Variants in HHLA2 observed in about 807,000 individuals in gnomAD.
The protein encoded by HHLA2 is HHLA2 member of B7 family.
In HHLA2, 48 loss-of-function variants were observed where a neutral mutation model predicts 45.9. The observed-to-expected ratio is 1.05, with a 90% CI of 0.83 to 1.33. The LOEUF (loss-of-function observed/expected upper bound fraction) is 1.33, where lower values mean the gene tolerates loss of function less well. HHLA2 is among the 40% of genes most tolerant of loss of function. HHLA2 has a pLI of 0.00. For synonymous variants in HHLA2, 161 were observed against 173.9 expected, an observed-to-expected ratio of 0.93 and a Z score of 0.59; for missense variants, 462 against 494.3, an observed-to-expected ratio of 0.93 and a Z score of 0.62.
intron 2 of HHLA2, among the ~76,000 whole-genome samples, chr3:108,322,400 T>C (rs944434582): frequency 6.6e-6 from 1 of 152,170 alleles, no homozygotes; most frequent in Non-Finnish European, 1.5e-5. Context: ...TAAAGTGGAG[T>C]GCAGGAGAGA....
intron 3 of HHLA2, among the ~76,000 whole-genome samples, chr3:108,335,142 C>T (rs1446469407): frequency 2.0e-5 from 3 of 152,122 alleles, no homozygotes; most frequent in Non-Finnish European, 4.4e-5. Flanking sequence ...AGTCAGTATA[C>T]AGTGCATGAA....
chr3:108,308,120 A>AT (rs2080961205), intron 1 of HHLA2, among the ~76,000 whole-genome samples: 1 of 152,038 alleles, frequency 6.6e-6, no homozygotes, highest in Non-Finnish European at 1.5e-5. Context: ...CTTTCTAACT[A>AT]TTTTTTGTAC....
At chr3:108,327,632 T>A (rs1357266377) in intron 2 of HHLA2, among the ~76,000 whole-genome samples, 1 of 152,074 alleles carries the variant, frequency 6.6e-6, no homozygotes, top group Non-Finnish European at 1.5e-5. Context: ...TCTTGTAGTT[T>A]CTGTTTGGTT....
intron 2 of HHLA2, among the ~76,000 whole-genome samples, chr3:108,323,285 T>TTTAATTAACTTTAA (rs2081235815): frequency 6.6e-6 from 1 of 152,158 alleles, no homozygotes; most frequent in South Asian, 2.1e-4. Context: ...TTGGATTGTT[T>TTTAATTAACTTTAA]TTAACTCAAA....
chr3:108,369,166 T>C (rs925315064), intron 8 of HHLA2, among the ~76,000 whole-genome samples: 1 of 152,176 alleles, frequency 6.6e-6, no homozygotes, highest in Non-Finnish European at 1.5e-5. Flanking sequence ...ATAAGTTCTT[T>C]GAAACCAATG....
Position 108,300,605 on chromosome 3 carries a change from G to T in HHLA2, c.-192+4006G>T, listed in dbSNP as rs559066322. 7.2e-5 allele frequency among the ~76,000 whole-genome samples: 11 copies of T among 152,214 alleles called. No individual in the cohort carries two copies. The South Asian group carries it at 1.0e-3, about 14-fold the overall frequency. On this transcript the variant is annotated intron_variant, in intron 1 of 10. Coordinates refer to ENST00000619531, the Ensembl canonical transcript of HHLA2. ...TCGTCTGGGTTTAGCGGTGTGTGAGGTCAGGCCTGAAACATCTACAGCCAC... is the reference window on the plus strand; with the variant it reads ...TCGTCTGGGTTTAGCGGTGTGTGAGTTCAGGCCTGAAACATCTACAGCCAC...
chr3:108,331,170 A>G (rs2081379954), intron 3 of HHLA2, among the ~76,000 whole-genome samples: 1 of 152,198 alleles, frequency 6.6e-6, no homozygotes, highest in Admixed American at 6.5e-5. Context: ...GTCTGTGTAC[A>G]ACCAGTGATG....
chr3:108,300,557 C>T (rs2080832980), intron 1 of HHLA2, among the ~76,000 whole-genome samples: 1 of 152,164 alleles, frequency 6.6e-6, no homozygotes, highest in Non-Finnish European at 1.5e-5. Context: ...TAATAAGAAG[C>T]GCTGGTGAAG....
chr3:108,322,167 G>A (rs988721807), intron 2 of HHLA2, among the ~76,000 whole-genome samples: 2 of 152,180 alleles, frequency 1.3e-5, no homozygotes, highest in African/African-American at 4.8e-5. Context: ...AATGAGGGAA[G>A]CTTATTGGAG....
At chr3:108,360,292 T>C (rs181885914) in intron 7 of HHLA2, among the ~76,000 whole-genome samples, 161 of 152,292 alleles carry the variant, frequency 1.1e-3, no homozygotes, top group Non-Finnish European at 1.7e-3. Flanking sequence ...ACTGTGGCCA[T>C]AACTGTTGTA....
chr3:108,321,112 A>AAAAAAAAC (rs1491275001), intron 2 of HHLA2, among the ~76,000 whole-genome samples: 1 of 149,504 alleles, frequency 6.7e-6, no homozygotes, highest in Non-Finnish European at 1.5e-5. Flanking sequence ...AAAAAAAAAA[A>AAAAAAAAC]GACTGTGCCA....
chr3:108,307,126 T>C (rs1037301034), intron 1 of HHLA2, among the ~76,000 whole-genome samples: 6 of 152,114 alleles, frequency 3.9e-5, no homozygotes, highest in African/African-American at 1.4e-4. Flanking sequence ...CCAGCCCTTT[T>C]TAAAAAAAAT....
Position 108,318,053 on chromosome 3 carries a change from T to A in HHLA2, c.-105+7312T>A, listed in dbSNP as rs575921120. Among the ~76,000 whole-genome samples the A allele has an allele frequency of 5.9e-5, 9 of 151,920 alleles. No individual in the cohort carries two copies. The South Asian group carries it at 1.9e-3, about 32-fold the overall frequency. ...AAAATTAGTCAGGCGTGGTGGCACA[T>A]GCCTGTAATCCCAGCTACTCAGGAG... is the stretch of plus-strand genomic sequence containing the variant. On this transcript the variant is annotated intron_variant, in intron 2 of 10. Transcript: ENST00000619531.
chr3:108,364,319 G>A (rs1160286854), intron 8 of HHLA2, among the ~76,000 whole-genome samples: 1 of 152,164 alleles, frequency 6.6e-6, no homozygotes, highest in Non-Finnish European at 1.5e-5. Context: ...CAAAGCACAT[G>A]AACTCATTCT....
rs765321290 is a variant in HHLA2, at chr3:108,355,390, C to CA, written c.685+10dup. 1 of 1,610,496 alleles carries CA rather than the reference C, an allele frequency of 6.2e-7. No individual in the cohort carries two copies. Among genetic ancestry groups the CA allele is most frequent in the South Asian group, 1.1e-5 (1 of 90,780 alleles). ...GCGCTGGACGATGAAAGGTAGGCTCCACAGGACTTTCTGTGTACACGTGCT... is the reference window on the plus strand; with the variant it reads ...GCGCTGGACGATGAAAGGTAGGCTCCAACAGGACTTTCTGTGTACACGTGCT... On this transcript the variant is annotated intron_variant, in intron 6 of 10. Transcript: ENST00000619531.
At chr3:108,320,723 T>C (rs555743610) in intron 2 of HHLA2, among the ~76,000 whole-genome samples, 4 of 152,270 alleles carry the variant, frequency 2.6e-5, no homozygotes, top group African/African-American at 9.6e-5. Context: ...TAGGTAAAGT[T>C]GTCTAGGACA....
chr3:108,353,913 G>A (rs1340802409), intron 5 of HHLA2, 133 bp downstream of exon 4: 2 of 650,754 alleles, frequency 3.1e-6, no homozygotes, highest in Non-Finnish European at 5.2e-6. Context: ...TTAACGCACA[G>A]CAACTTGTAG....
intron 1 of HHLA2, among the ~76,000 whole-genome samples, chr3:108,305,336 T>C (rs576736147): frequency 6.6e-6 from 1 of 152,212 alleles, no homozygotes; most frequent in Non-Finnish European, 1.5e-5. Context: ...GCTTCACGAG[T>C]AGTCAGAAAG....
intron 1 of HHLA2, among the ~76,000 whole-genome samples, chr3:108,306,539 A>G (rs984755996): frequency 6.6e-6 from 1 of 152,116 alleles, no homozygotes; most frequent in African/African-American, 2.4e-5. Context: ...TTAAACTGCT[A>G]TCCAATTTCT....
Sources: allele counts gnomAD v4.1 joint callset (sites outside exome capture counted in the v4.1 genomes callset), GRCh38; gene constraint gnomAD v4.1.1; transcripts MANE v1.5; gene names NCBI Gene and HGNC (gene_info 2026-07-23, HGNC 2026-07-21).